DOCK3: variants seen among roughly 807,000 people sequenced by gnomAD.
The protein encoded by DOCK3 is dedicator of cytokinesis 3.
In DOCK3, 60 loss-of-function variants were observed where a neutral mutation model predicts 265.6. That is an observed-to-expected ratio of 0.23 (90% CI 0.18 to 0.28). DOCK3 has a LOEUF of 0.28. Ranked by LOEUF, DOCK3 falls within the 10% of genes least tolerant of loss-of-function variation. DOCK3 has a pLI of 1.00. For synonymous variants in DOCK3, 881 were observed against 938.0 expected, an observed-to-expected ratio of 0.94 and a Z score of 1.11; for missense variants, 1,981 against 2,594.3, an observed-to-expected ratio of 0.76 and a Z score of 5.14.
At chr3:51,034,950 C>T (rs886450577) in intron 5 of DOCK3, among the ~76,000 whole-genome samples, 1 of 152,030 alleles carries the variant, frequency 6.6e-6, no homozygotes, top group Non-Finnish European at 1.5e-5. Context: ...TATCAGTGAT[C>T]ATGTTCTGCT....
At position 50,990,985 on chromosome 3, in the gene DOCK3, A is replaced by G. The variant is rs566127530; in HGVS notation, c.315+56908A>G. Among the ~76,000 whole-genome samples, 6 of 152,304 alleles carry G rather than the reference A, an allele frequency of 3.9e-5. No individual in the cohort carries two copies. The South Asian group carries it at 1.0e-3, about 26-fold the overall frequency. On this transcript the variant is annotated intron_variant, in intron 5 of 52. Coordinates refer to ENST00000266037, the MANE Select transcript of DOCK3 (RefSeq NM_004947.5). ...CAATCCAATCAAGTTCACACTCAACATTAACCATTATACCAGCCAAACTAA... is the reference window on the plus strand; with the variant it reads ...CAATCCAATCAAGTTCACACTCAACGTTAACCATTATACCAGCCAAACTAA...
At chr3:51,028,245 T>C (rs2079900657) in intron 5 of DOCK3, among the ~76,000 whole-genome samples, 1 of 152,148 alleles carries the variant, frequency 6.6e-6, no homozygotes, top group Admixed American at 6.5e-5. Flanking sequence ...ATGCTAAAAA[T>C]AGGCCCCCAA....
intron 22 of DOCK3, among the ~76,000 whole-genome samples, chr3:51,254,324 T>C (rs996707890): frequency 6.6e-6 from 1 of 152,254 alleles, no homozygotes; most frequent in Non-Finnish European, 1.5e-5. Flanking sequence ...AATGTGGTGC[T>C]GAGAAGAATG....
At chr3:51,044,773 T>A (rs2080693866) in intron 5 of DOCK3, among the ~76,000 whole-genome samples, 2 of 152,182 alleles carry the variant, frequency 1.3e-5, no homozygotes, top group African/African-American at 2.4e-5. Context: ...TGCATTTTTA[T>A]GTTGTGGAGA....
At chr3:50,893,355 A>G (rs1036399852) in intron 4 of DOCK3, 1 of 170,534 alleles carries the variant, frequency 5.9e-6, no homozygotes, top group Middle Eastern at 5.5e-4. Context: ...AAGAGAATAC[A>G]GGCAACTAAA....
intron 12 of DOCK3, among the ~76,000 whole-genome samples, chr3:51,199,160 T>A (rs1183981401): frequency 6.6e-6 from 1 of 152,090 alleles, no homozygotes; most frequent in Admixed American, 6.5e-5. Context: ...CGGGTTCATC[T>A]CACTAGGGAG....
chr3:51,134,228 C>T (rs1217928469), intron 9 of DOCK3, among the ~76,000 whole-genome samples: 1 of 152,088 alleles, frequency 6.6e-6, no homozygotes, highest in African/African-American at 2.4e-5. Context: ...GTGAATAGTG[C>T]TGCAATGAAC....
At chr3:51,372,903 C>T (rs1009382332) in intron 49 of DOCK3, among the ~76,000 whole-genome samples, 1 of 152,152 alleles carries the variant, frequency 6.6e-6, no homozygotes, top group Non-Finnish European at 1.5e-5. Context: ...TAAAAGAGAA[C>T]ATAGAAACCA....
intron 5 of DOCK3, among the ~76,000 whole-genome samples, chr3:50,970,675 T>A (rs533457668): frequency 6.7e-6 from 1 of 150,158 alleles, no homozygotes; most frequent in East Asian, 1.9e-4. Context: ...CTAAATATTT[T>A]TTTCTGATTT....
chr3:50,983,406 G>A (rs575690107), intron 5 of DOCK3, among the ~76,000 whole-genome samples: 8 of 152,092 alleles, frequency 5.3e-5, no homozygotes, highest in Non-Finnish European at 8.8e-5. Flanking sequence ...ACCCATGGCC[G>A]CCTCTGGACC....
chr3:50,885,632 G>A (rs1279374387), intron 3 of DOCK3, among the ~76,000 whole-genome samples: 1 of 152,122 alleles, frequency 6.6e-6, no homozygotes, highest in African/African-American at 2.4e-5. Flanking sequence ...GAAGGCTGAC[G>A]GAGGGAGTCC....
rs1294521552 is a variant in DOCK3 at position 51,359,492 on chromosome 3, C to T, written c.4885-1019C>T. Among the ~76,000 whole-genome samples the T allele has an allele frequency of 2.0e-5, 3 of 152,166 alleles. No homozygotes were observed. Among genetic ancestry groups the T allele is most frequent in the Admixed American group, 6.5e-5 (1 of 15,280 alleles). On this transcript the variant is annotated intron_variant, in intron 46 of 52. Transcript: ENST00000266037. The surrounding 1 kb of genome is among the most constrained non-coding windows in gnomAD (Gnocchi z 4.8). Reference sequence around the variant, plus strand: ...ATTTAGTTAAGAACTTGGGCAGTATCGCTGAGTCTGGTGGGTATTCATTCC... The same window carrying T: ...ATTTAGTTAAGAACTTGGGCAGTATTGCTGAGTCTGGTGGGTATTCATTCC...
At chr3:51,287,605 T>C (rs9836464) in intron 27 of DOCK3, among the ~76,000 whole-genome samples, 121,057 of 152,060 alleles carry the variant, frequency 0.8, 49,022 homozygotes, top group Middle Eastern at 0.89. Flanking sequence ...ATAGTAAAAA[T>C]TAAAATTAAA....
chr3:50,845,260 A>C (rs1014359360), intron 3 of DOCK3, among the ~76,000 whole-genome samples: 1 of 152,230 alleles, frequency 6.6e-6, no homozygotes, highest in Non-Finnish European at 1.5e-5. Flanking sequence ...GAATTAAAGA[A>C]TAAGACATAA....
chr3:50,798,461 A>C (rs2042906686), intron 2 of DOCK3, among the ~76,000 whole-genome samples: 1 of 152,210 alleles, frequency 6.6e-6, no homozygotes, highest in Non-Finnish European at 1.5e-5. Flanking sequence ...GCAATGGCAG[A>C]TATGGTCTTA....
intron 2 of DOCK3, among the ~76,000 whole-genome samples, chr3:50,783,404 A>G (rs2042026449): frequency 6.6e-6 from 1 of 151,712 alleles, no homozygotes; most frequent in Admixed American, 6.6e-5. Flanking sequence ...TGTGGTTTTA[A>G]TTTGCATTTC....
chr3:50,731,818 T>C (rs1031445736), intron 1 of DOCK3, among the ~76,000 whole-genome samples: 1 of 152,170 alleles, frequency 6.6e-6, no homozygotes, highest in Non-Finnish European at 1.5e-5. Context: ...AACAATGATA[T>C]CTGCCTTCAC....
intron 1 of DOCK3, among the ~76,000 whole-genome samples, chr3:50,730,358 G>A (rs974771802): frequency 6.6e-5 from 10 of 152,098 alleles, no homozygotes; most frequent in African/African-American, 2.4e-4. Flanking sequence ...GGCCAGGCTG[G>A]TCTCAAACTG....
intron 2 of DOCK3, among the ~76,000 whole-genome samples, chr3:50,820,392 C>T (rs939896107): frequency 6.6e-6 from 1 of 152,186 alleles, no homozygotes; most frequent in African/African-American, 2.4e-5. Context: ...TGCCAAATTG[C>T]TGTCTCACAC....
Sources: gnomAD v4.1 joint callset for allele counts (sites outside exome capture counted in the v4.1 genomes callset) on GRCh38, gnomAD v4.1.1 for gene constraint, Gnocchi (gnomAD v3.1) non-coding constraint, MANE v1.5 for transcripts, NCBI Gene and HGNC (gene_info 2026-07-23, HGNC 2026-07-21) for gene names.